RRP12: variants seen among roughly 807,000 people sequenced by gnomAD.
RRP12 encodes RRP12-like protein.
Under a neutral mutation model 157.3 loss-of-function variants are expected in RRP12, and 78 were observed. The observed-to-expected ratio is 0.50, with a 90% CI of 0.41 to 0.60. RRP12 has a LOEUF of 0.60. Ranked by LOEUF, RRP12 falls within the 20% of genes least tolerant of loss-of-function variation. RRP12 has a pLI of 0.00. For synonymous variants in RRP12, 726 were observed against 670.9 expected (o/e 1.08, Z -1.27); for missense variants, 1,521 against 1,679.9 (o/e 0.91, Z 1.65).
At chr10:97,381,916 A>G in intron 10 of RRP12, 90 bp from the exon 11 acceptor site, 1 of 824,036 alleles carries the variant, frequency 1.2e-6, no homozygotes. Flanking sequence ...CCAGCTCTGA[A>G]AACAGTCACA....
rs751360144 is a variant in RRP12, at chr10:97,358,530, G to A, written c.3791+7C>T. ...CAGCCCCCAGCCTGCCTGGCACAGC[G>A]TCATACCTGCGGTTGAGCTTGCTTC... On this transcript the variant is annotated splice_region_variant and intron_variant, in intron 33 of 33. Coordinates refer to ENST00000370992, the MANE Select transcript of RRP12 (RefSeq NM_015179.4). 55 of 1,611,334 alleles carry A rather than the reference G, an allele frequency of 3.4e-5. No individual in the cohort carries two copies. The highest frequency in any genetic ancestry group is 5.3e-5 in the African/African-American group (4 of 74,806).
At chr10:97,391,090 C>T (rs1461859483) in intron 4 of RRP12, among the ~76,000 whole-genome samples, 2 of 152,166 alleles carry the variant, frequency 1.3e-5, no homozygotes, top group African/African-American at 4.8e-5. Context: ...CTCTCTCCAC[C>T]TCCCCTGGCA....
intron 9 of RRP12, 143 bp from the exon 10 acceptor site, chr10:97,385,400 G>T: frequency 1.5e-6 from 1 of 653,064 alleles, no homozygotes; most frequent in Non-Finnish European, 2.7e-6. Flanking sequence ...GGCTTTCCCA[G>T]CTCCTGCCTT....
chr10:97,395,310 G>T (rs1444877137), intron 3 of RRP12, among the ~76,000 whole-genome samples: 2 of 151,994 alleles, frequency 1.3e-5, no homozygotes. Context: ...CAGCACTTTG[G>T]GAGGCTGAGG....
At position 97,366,813 on chromosome 10, in the gene RRP12, C is replaced by G. The variant is rs1316031663; in HGVS notation, c.3144G>C (p.Leu1048=). The G allele has an allele frequency of 6.2e-7, 1 of 1,614,212 alleles. No homozygotes were observed. Among genetic ancestry groups the G allele is most frequent in the Non-Finnish European group, 8.5e-7 (1 of 1,180,042 alleles). ...CTTCCTCCTCCACGGCAGCCTGGCT[C>G]AGGGCTCGGTGCCTCTTGGCCCGGG... ...AEARAKRHRA[L]SQAAVEEEEE... is the part of the protein sequence containing the mutation. Residue 1048 remains leucine, a synonymous_variant, in exon 27 of 34, where the codon CTG becomes CTC. Transcript: ENST00000370992.
At chr10:97,391,573 A>AAAAT (rs758460233) in intron 4 of RRP12, among the ~76,000 whole-genome samples, 11 of 152,038 alleles carry the variant, frequency 7.2e-5, no homozygotes, top group East Asian at 1.9e-4. Flanking sequence ...CTCTGTCTCA[A>AAAAT]AAATAAATAA....
intron 3 of RRP12, among the ~76,000 whole-genome samples, chr10:97,395,102 C>A (rs772168867): frequency 1.3e-5 from 2 of 151,846 alleles, no homozygotes; most frequent in Admixed American, 6.6e-5. Flanking sequence ...ATGATCACAC[C>A]ACTGCACTCC....
In RRP12 at chr10:97,369,431, C is replaced by T. The variant is rs778625027; in HGVS notation, c.2949G>A (p.Gln983=). The T allele has an allele frequency of 1.9e-5, 30 of 1,611,610 alleles. No individual in the cohort carries two copies. The highest frequency in any genetic ancestry group is 2.5e-5 in the Non-Finnish European group (30 of 1,179,112). Residue 983 remains glutamine, a synonymous_variant, in exon 25 of 34, where the codon CAG becomes CAA. Transcript: ENST00000370992. ...GGGGAACGGGGACACTCACCACCAG[C>T]TGCACATGTTTGGCCAGGTGCGCCA... ...MDVAHLAKHV[Q]LVMEAIGKLS... is the part of the protein sequence containing the mutation.
intron 19 of RRP12, 60 bp from the exon 20 acceptor site, chr10:97,372,226 A>C (rs1302809020): frequency 7.3e-7 from 1 of 1,367,768 alleles, no homozygotes; most frequent in African/African-American, 1.4e-5. Context: ...GCAGACTACC[A>C]GTGTTCTTAC....
chr10:97,381,798 G>T lies in RRP12; in HGVS notation c.1237C>A (p.Leu413Ile), dbSNP rs777916266. 2 of 1,614,140 alleles carry T rather than the reference G, an allele frequency of 1.2e-6. No homozygotes were observed. Among genetic ancestry groups the T allele is most frequent in the East Asian group, 4.5e-5 (2 of 44,880 alleles). The change falls in exon 11 of 34, where the codon CTC becomes ATC. Residue 413 changes from leucine to isoleucine, a missense_variant. Physicochemically the swap from Leu to Ile is conservative, Grantham distance 5. Coordinates refer to ENST00000370992, the MANE Select transcript of RRP12 (RefSeq NM_015179.4). Reference sequence around the variant, plus strand: ...ACCGCAGTTCCAAAAAAGCGAGGGAGGTGGCCTAGCCCCAGGTCCCACTGC... The same window carrying T: ...ACCGCAGTTCCAAAAAAGCGAGGGATGTGGCCTAGCCCCAGGTCCCACTGC... ...RLQWDLGLGH[L>I]PRFFGTAVTC...
chr10:97,381,224 C>T (rs998814875), intron 12 of RRP12, among the ~76,000 whole-genome samples, 162 bp downstream of exon 12: 20 of 152,346 alleles, frequency 1.3e-4, no homozygotes, highest in Admixed American at 6.5e-4. Flanking sequence ...CTCAAGTCCA[C>T]GGTAGCTGCT....
intron 31 of RRP12, 68 bp from the exon 32 acceptor site, chr10:97,359,078 C>T: frequency 1.6e-6 from 2 of 1,238,714 alleles, no homozygotes; most frequent in South Asian, 1.2e-5. Context: ...AGGCAATGGG[C>T]ACCCTCTCTG....
At chr10:97,359,749 C>A (rs1418361210) in intron 31 of RRP12, among the ~76,000 whole-genome samples, 1 of 152,246 alleles carries the variant, frequency 6.6e-6, no homozygotes, top group African/African-American at 2.4e-5. Flanking sequence ...GGGCAAGCAG[C>A]CCTGACCCCA....
At chr10:97,380,671 T>A in intron 13 of RRP12, 128 bp downstream of exon 13, 1 of 679,980 alleles carries the variant, frequency 1.5e-6, no homozygotes, top group Non-Finnish European at 2.6e-6. Context: ...ATGGGGCACC[T>A]GCTATGGCCC....
chr10:97,393,165 G>A (rs541036010), intron 4 of RRP12: 8 of 391,984 alleles, frequency 2.0e-5, no homozygotes, highest in East Asian at 7.0e-5. Flanking sequence ...GTGAACCACC[G>A]CACCAGGCCA....
chr10:97,398,180 G>A (rs375415811), intron 2 of RRP12, among the ~76,000 whole-genome samples: 5,818 of 89,452 alleles, frequency 0.065, 917 homozygotes, highest in East Asian at 0.17. Context: ...TCAGCCTCCC[G>A]AGTAGCTGGG....
intron 3 of RRP12, among the ~76,000 whole-genome samples, chr10:97,394,244 G>A (rs896359300): frequency 6.6e-6 from 1 of 152,130 alleles, no homozygotes; most frequent in African/African-American, 2.4e-5. Context: ...TCGGGAGGCT[G>A]AGGCAGGAGA....
Position 97,379,726 on chromosome 10 carries a change from G to C in RRP12, c.1578C>G (p.Pro526=), listed in dbSNP as rs1844412956. 1 of 1,613,790 alleles carries C rather than the reference G, an allele frequency of 6.2e-7. No individual in the cohort carries two copies. Among genetic ancestry groups the C allele is most frequent in the East Asian group, 2.2e-5 (1 of 44,820 alleles). The stretch of plus-strand genomic sequence containing the variant: ...CTGCCTGGTCAAGAGCCGCCGTGTG[G>C]GGGAAATGAGGGGAGAGGCGCAGGT... ...LCDLRLSPHF[P]HTAALDQAVG... Residue 526 remains proline (P), a synonymous_variant, in exon 14 of 34, where the codon CCC becomes CCG. Transcript: ENST00000370992.
At chr10:97,363,818 T>C (rs1405766036) in intron 30 of RRP12, 36 bp downstream of exon 30, 1 of 1,593,846 alleles carries the variant, frequency 6.3e-7, no homozygotes, top group Non-Finnish European at 8.6e-7. Flanking sequence ...GGCTTAGGTC[T>C]GAAGCCCTAG....
Sources: allele counts gnomAD v4.1 joint callset (sites outside exome capture counted in the v4.1 genomes callset), GRCh38; gene constraint gnomAD v4.1.1; transcripts MANE v1.5; gene names NCBI Gene and HGNC (gene_info 2026-07-23, HGNC 2026-07-21).